ABLIM1: variants seen among roughly 807,000 people sequenced by gnomAD.
ABLIM1 encodes the protein actin binding LIM protein 1, also known as actin-binding LIM protein 1.
Under a neutral mutation model 107.0 loss-of-function variants are expected in ABLIM1, and 40 were observed. The ratio of observed to expected loss-of-function variants is 0.37; its 90% CI spans 0.29 to 0.49. The LOEUF is 0.49. Among genes scored for constraint, ABLIM1 ranks in the 20% least tolerant of loss-of-function variants. The pLI, the probability that ABLIM1 is intolerant of heterozygous loss-of-function variation, is 0.97. For synonymous variants in ABLIM1, 357 were observed against 357.3 expected (o/e 1.00, Z 0.01); for missense variants, 857 against 1,008.5 (o/e 0.85, Z 2.04).
chr10:114,601,723 G>A lies in ABLIM1; in HGVS notation c.379+104C>T, dbSNP rs768317317. 1.8e-5 allele frequency: 28 copies of A among 1,554,486 alleles called. No individual in the cohort carries two copies. The highest frequency in any genetic ancestry group is 1.5e-4 in the Admixed American group (9 of 59,934). ...GATGTCAGGGCTTCTGAGAGCATTCGCTTATCATCCAGTGACCGGATGTGG... is the reference window on the plus strand; with the variant it reads ...GATGTCAGGGCTTCTGAGAGCATTCACTTATCATCCAGTGACCGGATGTGG... On this transcript the variant is annotated intron_variant, in intron 2 of 22. Coordinates refer to ENST00000533213, the MANE Select transcript of ABLIM1 (RefSeq NM_002313.7).
At chr10:114,768,703 T>TCAGCGGGGGGCGTCAGGGTC (rs534992286), upstream of ABLIM1, among the ~76,000 whole-genome samples, 508 of 151,738 alleles carry the variant, frequency 3.3e-3, 3 homozygotes, top group African/African-American at 0.012. Flanking sequence ...GACCCTCGAG[T>TCAGCGGGGGGCGTCAGGGTC]CAGCGGGGGG....
intron 6 of ABLIM1, among the ~76,000 whole-genome samples, chr10:114,517,008 T>G (rs2062944074): frequency 6.6e-6 from 1 of 152,184 alleles, no homozygotes; most frequent in South Asian, 2.1e-4. Flanking sequence ...TTTTTGTTGT[T>G]GCTTTTTATC....
chr10:114,640,482 G>A (rs546463454), intron 1 of ABLIM1, among the ~76,000 whole-genome samples: 71 of 152,204 alleles, frequency 4.7e-4, no homozygotes, highest in Non-Finnish European at 6.0e-4. Flanking sequence ...AGCCGAGATC[G>A]CGCCACTGCA....
At chr10:114,458,135 A>G (rs1253123384) in intron 12 of ABLIM1, among the ~76,000 whole-genome samples, 3 of 118,806 alleles carry the variant, frequency 2.5e-5, no homozygotes, top group Non-Finnish European at 5.4e-5. Flanking sequence ...ATACAATAGT[A>G]CATATATATA....
chr10:114,466,750 T>C (rs1439990972), intron 11 of ABLIM1, among the ~76,000 whole-genome samples: 2 of 152,206 alleles, frequency 1.3e-5, no homozygotes, highest in East Asian at 1.9e-4. Flanking sequence ...AAGAAAATAA[T>C]TTAAAATGCC....
At chr10:114,665,042 G>C (rs1489603850) in intron 1 of ABLIM1, among the ~76,000 whole-genome samples, 1 of 151,858 alleles carries the variant, frequency 6.6e-6, no homozygotes, top group African/African-American at 2.4e-5. Flanking sequence ...GCGTGAACCC[G>C]GGAGGTGGAG....
chr10:114,500,799 A>C (rs2060329865), intron 6 of ABLIM1, among the ~76,000 whole-genome samples: 1 of 151,310 alleles, frequency 6.6e-6, no homozygotes, highest in Non-Finnish European at 1.5e-5. Context: ...AAGGGAGCCT[A>C]CTACGTAGGA....
chr10:114,560,712 CACAG>C (rs1307548023), intron 4 of ABLIM1, among the ~76,000 whole-genome samples: 1 of 152,044 alleles, frequency 6.6e-6, no homozygotes. Flanking sequence ...AACACAACCG[CACAG>C]ACAAATGATA....
At chr10:114,526,954 C>T (rs1375825968) in intron 6 of ABLIM1, 17 of 985,374 alleles carry the variant, frequency 1.7e-5, no homozygotes, top group Non-Finnish European at 2.0e-5. Flanking sequence ...AACACACCAG[C>T]AACCACAATG....
At chr10:114,654,441 T>C (rs2079399380) in intron 1 of ABLIM1, among the ~76,000 whole-genome samples, 1 of 152,218 alleles carries the variant, frequency 6.6e-6, no homozygotes, top group Non-Finnish European at 1.5e-5. Context: ...CACTTTGATA[T>C]GCACGTTCTC....
rs546615596 is a variant in ABLIM1, at chr10:114,629,459, C to T, written c.245-27498G>A. Among the ~76,000 whole-genome samples, 1 of 152,346 alleles carries T rather than the reference C, an allele frequency of 6.6e-6. No individual in the cohort carries two copies. Among genetic ancestry groups the T allele is most frequent in the African/African-American group, 2.4e-5 (1 of 41,582 alleles). Reference sequence around the variant, plus strand: ...AAGAAGGCACAGGTTCCTGTTCCTGCTCTGACAACGGGCCAACCTGTTTTG... The same window carrying T: ...AAGAAGGCACAGGTTCCTGTTCCTGTTCTGACAACGGGCCAACCTGTTTTG... On this transcript the variant is annotated intron_variant, in intron 1 of 22. Coordinates refer to ENST00000533213, the MANE Select transcript of ABLIM1 (RefSeq NM_002313.7). The surrounding 1 kb of genome is among the most constrained non-coding windows in gnomAD (Gnocchi z 4.0).
At chr10:114,577,830 A>G (rs2072787373) in intron 2 of ABLIM1, among the ~76,000 whole-genome samples, 1 of 152,058 alleles carries the variant, frequency 6.6e-6, no homozygotes, top group Admixed American at 6.6e-5. Context: ...GTTTGATGTG[A>G]CTCCCAGAGG....
intron 2 of ABLIM1, among the ~76,000 whole-genome samples, chr10:114,592,278 A>C (rs1240764615): frequency 6.6e-6 from 1 of 152,204 alleles, no homozygotes; most frequent in Non-Finnish European, 1.5e-5. Flanking sequence ...AGCACCAAGC[A>C]CACATATCCA....
intron 4 of ABLIM1, among the ~76,000 whole-genome samples, chr10:114,563,845 CAAAAA>C (rs11285267): frequency 1.3e-5 from 1 of 79,826 alleles, no homozygotes; most frequent in African/African-American, 4.9e-5. Context: ...GGCTCCGTCT[CAAAAA>C]AAAAAAAAAA....
At chr10:114,523,915 G>A (rs991219305) in intron 6 of ABLIM1, among the ~76,000 whole-genome samples, 2 of 152,198 alleles carry the variant, frequency 1.3e-5, no homozygotes, top group African/African-American at 2.4e-5. Context: ...ACTGAATGGG[G>A]GGAGAGGGTG....
At chr10:114,676,997 A>G (rs2080515429) in intron 1 of ABLIM1, among the ~76,000 whole-genome samples, 1 of 152,136 alleles carries the variant, frequency 6.6e-6, no homozygotes, top group African/African-American at 2.4e-5. Flanking sequence ...TTGGCCTCCC[A>G]AAGTGCTGGG....
intron 2 of ABLIM1, among the ~76,000 whole-genome samples, chr10:114,596,831 T>A (rs1362060981): frequency 6.6e-6 from 1 of 152,238 alleles, no homozygotes; most frequent in Non-Finnish European, 1.5e-5. Flanking sequence ...TGCTTTTCAT[T>A]CCCAAACTCA....
At chr10:114,575,270 G>T in intron 3 of ABLIM1, 146 bp downstream of exon 3, 1 of 859,538 alleles carries the variant, frequency 1.2e-6, no homozygotes, top group Non-Finnish European at 1.8e-6. Flanking sequence ...TTTTTTACTA[G>T]GACTGATAGT....
At position 114,461,369 on chromosome 10, in the gene ABLIM1, C is replaced by G. The variant is rs558346775; in HGVS notation, c.1441+4329G>C. 8.1e-5 allele frequency among the ~76,000 whole-genome samples: 12 copies of G among 147,498 alleles called. No individual in the cohort carries two copies. In the South Asian group the frequency reaches 1.7e-3, roughly 21 times the overall value. On this transcript the variant is annotated intron_variant, in intron 12 of 22. Transcript: ENST00000533213. ...TGGCTAATGGCTGTTATATTAAAGT[C>G]TCTTTAAAATACACAACTGAAGGGT...
Sources: gnomAD v4.1 joint callset for allele counts (sites outside exome capture counted in the v4.1 genomes callset) on GRCh38, gnomAD v4.1.1 for gene constraint, Gnocchi (gnomAD v3.1) non-coding constraint, MANE v1.5 for transcripts, NCBI Gene and HGNC (gene_info 2026-07-23, HGNC 2026-07-21) for gene names.